The following CENPP variants were observed in gnomAD, a reference collection of about 807,000 sequenced individuals.
The protein encoded by CENPP is centromere protein P.
A neutral mutation model predicts 35.6 loss-of-function variants in CENPP; 24 were observed. That is an observed-to-expected ratio of 0.67 (90% CI 0.49 to 0.95). The LOEUF (loss-of-function observed/expected upper bound fraction) is 0.95. CENPP is among the 40% of genes least tolerant of loss of function. The probability of loss-of-function intolerance (pLI) is 0.00; values close to 1 mark genes in which losing one functional copy is unlikely to be tolerated. For synonymous variants in CENPP, 120 were observed against 125.5 expected, an observed-to-expected ratio of 0.96 and a Z score of 0.29; for missense variants, 332 against 345.3, an observed-to-expected ratio of 0.96 and a Z score of 0.31.
chr9:92,451,040 G>A (rs1844693808), intron 5 of CENPP, among the ~76,000 whole-genome samples: 1 of 151,604 alleles, frequency 6.6e-6, no homozygotes, highest in African/African-American at 2.4e-5. Flanking sequence ...CTCCCATTCT[G>A]TAGGTTGCCT....
intron 5 of CENPP, chr9:92,404,492 C>G: frequency 1.6e-6 from 2 of 1,283,180 alleles, no homozygotes; most frequent in Non-Finnish European, 2.0e-6. Context: ...AAAAGTAAGC[C>G]TACCGTTGTA....
chr9:92,567,216 A>T (rs1412486253), intron 5 of CENPP, among the ~76,000 whole-genome samples: 1 of 152,018 alleles, frequency 6.6e-6, no homozygotes, highest in Non-Finnish European at 1.5e-5. Flanking sequence ...AGAAATAAAG[A>T]TCTCAATAAG....
intron 5 of CENPP, among the ~76,000 whole-genome samples, chr9:92,390,704 TACTGA>T (rs1355883019): frequency 6.6e-6 from 1 of 152,226 alleles, no homozygotes; most frequent in East Asian, 1.9e-4. Context: ...AATTTGTAAA[TACTGA>T]ACCATTATTC....
At chr9:92,488,024 A>G (rs1846100126) in intron 5 of CENPP, among the ~76,000 whole-genome samples, 1 of 152,220 alleles carries the variant, frequency 6.6e-6, no homozygotes. Context: ...GAAGAATAAT[A>G]TAGTATTCTG....
Position 92,332,228 on chromosome 9 carries a change from C to G in CENPP, c.166C>G (p.Leu56Val). The change falls in exon 2 of 8, where the codon CTG (leucine) becomes GTG (valine). Residue 56 changes from leucine to valine, a missense_variant. By Grantham distance (32) the Leu-to-Val change is conservative (BLOSUM62 1). Coordinates refer to ENST00000375587, the MANE Select transcript of CENPP (RefSeq NM_001012267.3). ...NLEGWKSSKD[L>V]KNQLGHLESE... The stretch of plus-strand genomic sequence containing the variant: ...GGAAGGATGGAAGTCTTCAAAAGAT[C>G]TGAAAAATCAGCTTGGACATTTAGA... 1 of 1,612,442 alleles carries G rather than the reference C, an allele frequency of 6.2e-7. No individual in the cohort carries two copies. Among genetic ancestry groups the G allele is most frequent in the Non-Finnish European group, 8.5e-7 (1 of 1,179,370 alleles).
chr9:92,362,271 C>G (rs571534260), intron 4 of CENPP, among the ~76,000 whole-genome samples: 1 of 152,128 alleles, frequency 6.6e-6, no homozygotes, highest in South Asian at 2.1e-4. Flanking sequence ...TTCTAGCTAC[C>G]TGAGGGGCTG....
chr9:92,500,899 A>T, intron 5 of CENPP: 2 of 1,614,190 alleles, frequency 1.2e-6, no homozygotes, highest in South Asian at 2.2e-5. Flanking sequence ...AATGACAGGT[A>T]CAAGTATTCC....
Position 92,617,146 on chromosome 9 carries a change from G to A in CENPP, c.*3997G>A, listed in dbSNP as rs899185808. The A allele has an allele frequency of 6.6e-6, 1 of 152,216 alleles. No individual in the cohort carries two copies. Among genetic ancestry groups the A allele is most frequent in the Admixed American group, 6.5e-5 (1 of 15,282 alleles). The allele number at this position is 152,216 out of a possible 1,614,324, so 9.4% of individuals were successfully genotyped here. ...ACTCATTTACAAATTAAGGTCATGAGTCTCGCTCCAGAAGCTGGAGTGTGC... is the reference window on the plus strand; with the variant it reads ...ACTCATTTACAAATTAAGGTCATGAATCTCGCTCCAGAAGCTGGAGTGTGC... On this transcript the variant is annotated 3_prime_UTR_variant, in exon 8 of 8. Transcript: ENST00000375587.
At chr9:92,444,077 C>T (rs975275157) in intron 5 of CENPP, among the ~76,000 whole-genome samples, 3 of 152,154 alleles carry the variant, frequency 2.0e-5, no homozygotes, top group Admixed American at 1.3e-4. Flanking sequence ...ATATACACTG[C>T]AAGTCAGTGG....
At chr9:92,382,760 G>C (rs76303934) in intron 5 of CENPP, among the ~76,000 whole-genome samples, 1 of 151,954 alleles carries the variant, frequency 6.6e-6, no homozygotes. Context: ...AGAGACTGGC[G>C]TTCTCCACTG....
At chr9:92,511,927 C>T in intron 5 of CENPP, 1 of 1,015,800 alleles carries the variant, frequency 9.8e-7, no homozygotes, top group South Asian at 1.7e-5. Context: ...AAGCATTTTC[C>T]TTTTCCTCCC....
intron 4 of CENPP, among the ~76,000 whole-genome samples, chr9:92,360,849 C>A (rs867923516): frequency 6.6e-6 from 1 of 151,650 alleles, no homozygotes; most frequent in African/African-American, 2.4e-5. Context: ...GGACTACAGG[C>A]GCCCACCACC....
chr9:92,533,775 C>T (rs180708423), intron 5 of CENPP, among the ~76,000 whole-genome samples: 7 of 152,178 alleles, frequency 4.6e-5, no homozygotes, highest in East Asian at 3.9e-4. Context: ...AACAGAATTA[C>T]GGTTTCAAAA....
chr9:92,411,236 T>G (rs1346243164), intron 5 of CENPP, among the ~76,000 whole-genome samples: 2 of 152,192 alleles, frequency 1.3e-5, no homozygotes, highest in Non-Finnish European at 2.9e-5. Flanking sequence ...CCTCCCAAAG[T>G]GCTGGGATTA....
chr9:92,443,323 A>T (rs1465877751), intron 5 of CENPP, among the ~76,000 whole-genome samples: 1 of 152,206 alleles, frequency 6.6e-6, no homozygotes, highest in Non-Finnish European at 1.5e-5. Context: ...TTGGAAAATA[A>T]AACTTTAAAA....
chr9:92,489,439 C>T (rs556074800), intron 5 of CENPP, among the ~76,000 whole-genome samples: 1 of 152,298 alleles, frequency 6.6e-6, no homozygotes, highest in African/African-American at 2.4e-5. Flanking sequence ...GTTGGTGACT[C>T]ATTCAGCGGT....
chr9:92,434,347 C>T (rs1844194780), intron 5 of CENPP, among the ~76,000 whole-genome samples: 1 of 151,464 alleles, frequency 6.6e-6, no homozygotes, highest in Non-Finnish European at 1.5e-5. Context: ...CAAGATTGTG[C>T]CCCTGCATTT....
At chr9:92,351,928 A>G (rs1488669230) in intron 4 of CENPP, among the ~76,000 whole-genome samples, 3 of 149,218 alleles carry the variant, frequency 2.0e-5, no homozygotes, top group Non-Finnish European at 3.0e-5. Context: ...CCTGGCCAGT[A>G]TTTGCCTTTT....
intron 5 of CENPP, among the ~76,000 whole-genome samples, chr9:92,412,848 G>A (rs1843481923): frequency 6.6e-6 from 1 of 152,044 alleles, no homozygotes; most frequent in East Asian, 1.9e-4. Flanking sequence ...ATGGACATGT[G>A]GGTGATTTCT....
Sources: allele counts gnomAD v4.1 joint callset (sites outside exome capture counted in the v4.1 genomes callset), GRCh38; gene constraint gnomAD v4.1.1; transcripts MANE v1.5; gene names NCBI Gene and HGNC (gene_info 2026-07-23, HGNC 2026-07-21).